Variants in PFKP observed in about 807,000 individuals in gnomAD.
PFKP encodes ATP-dependent 6-phosphofructokinase, platelet type.
A neutral mutation model predicts 94.3 loss-of-function variants in PFKP; 101 were observed. That is an observed-to-expected ratio of 1.07 (90% CI 0.91 to 1.26). PFKP has a LOEUF of 1.26. PFKP is among the 50% of genes most tolerant of loss of function. PFKP has a pLI of 0.00. For missense variants in PFKP, 1,145 were observed against 1,103.3 expected, an observed-to-expected ratio of 1.04 and a Z score of -0.53; for synonymous variants, 573 against 432.6, an observed-to-expected ratio of 1.32 and a Z score of -4.03.
chr10:3,078,885 T>C (rs11599851), intron 1 of PFKP, among the ~76,000 whole-genome samples: 9,950 of 152,222 alleles, frequency 0.065, 485 homozygotes, highest in South Asian at 0.098. Context: ...CCCTTTGCAA[T>C]GCATGGCTCC....
At chr10:3,104,218 A>C (rs1392309736) in intron 5 of PFKP, among the ~76,000 whole-genome samples, 1 of 152,210 alleles carries the variant, frequency 6.6e-6, no homozygotes, top group Non-Finnish European at 1.5e-5. Flanking sequence ...TGTCCTACCC[A>C]AACATCTCCA....
intron 2 of PFKP, among the ~76,000 whole-genome samples, chr10:3,097,597 G>T (rs566810100): frequency 6.6e-6 from 1 of 152,184 alleles, no homozygotes; most frequent in African/African-American, 2.4e-5. Flanking sequence ...GGGGGGTCTC[G>T]GGAGGTGCAG....
intron 16 of PFKP, among the ~76,000 whole-genome samples, chr10:3,120,714 C>A (rs891876780): frequency 2.0e-5 from 3 of 152,088 alleles, no homozygotes; most frequent in Non-Finnish European, 2.9e-5. Flanking sequence ...GGCTTGAGTG[C>A]GGTGGTGTGA....
intron 2 of PFKP, among the ~76,000 whole-genome samples, chr10:3,098,685 A>G (rs952204861): frequency 6.6e-6 from 1 of 151,748 alleles, no homozygotes. Context: ...AAAAAAAAAA[A>G]AAAAAGGTAA....
intron 10 of PFKP, 97 bp downstream of exon 10, chr10:3,109,577 C>A: frequency 1.4e-6 from 2 of 1,427,582 alleles, no homozygotes; most frequent in Non-Finnish European, 1.9e-6. Flanking sequence ...CTCGTCGGTG[C>A]ACGATGCATT....
At chr10:3,098,607 A>G (rs1444475147) in intron 2 of PFKP, among the ~76,000 whole-genome samples, 3 of 143,192 alleles carry the variant, frequency 2.1e-5, no homozygotes, top group East Asian at 2.3e-4. Context: ...CCCGGGAGGC[A>G]GGTTGCAGTG....
chr10:3,121,047 T>C (rs1223640250), intron 16 of PFKP, among the ~76,000 whole-genome samples: 1 of 150,924 alleles, frequency 6.6e-6, no homozygotes, highest in Non-Finnish European at 1.5e-5. Context: ...GAAACTTATT[T>C]CTAGCACTGG....
In PFKP at chr10:3,135,868, A is replaced by C. The variant is rs145075087; in HGVS notation, c.2225+30A>C. On this transcript the variant is annotated intron_variant, in intron 21 of 21. Coordinates refer to ENST00000381125, the MANE Select transcript of PFKP (RefSeq NM_002627.5). ...GTTGGCTGGGTTCCCTGAGGCAATA[A>C]GACCCCAATGTGAGTACGGGACAGG... is the stretch of plus-strand genomic sequence containing the variant. 6.7e-4 allele frequency: 901 copies of C among 1,347,228 alleles called. 2 individuals are homozygous for C. The highest frequency in any genetic ancestry group is 4.0e-3 in the Middle Eastern group (22 of 5,542). The allele number at this position is 1,347,228 out of a possible 1,614,324, so 83.5% of individuals were successfully genotyped here. A position where few individuals can be genotyped will look rare whatever the true frequency, so the allele number is the denominator to read the frequency against.
intron 2 of PFKP, among the ~76,000 whole-genome samples, chr10:3,095,815 G>A (rs1834434987): frequency 1.3e-5 from 2 of 152,142 alleles, no homozygotes; most frequent in Non-Finnish European, 1.5e-5. Flanking sequence ...TTAGAACTGC[G>A]GCTGGTAGTT....
rs540734522 is a variant in PFKP, at chr10:3,104,515, G to A, written c.620+571G>A. ...GAGACTGGGAGAGTGCCCGAATCCAGTCCCCAGCATGGCGCCTCCCAGTCC... is the reference window on the plus strand; with the variant it reads ...GAGACTGGGAGAGTGCCCGAATCCAATCCCCAGCATGGCGCCTCCCAGTCC... On this transcript the variant is annotated intron_variant, in intron 5 of 21. Transcript: ENST00000381125. Among the ~76,000 whole-genome samples, 8 of 152,364 alleles carry A rather than the reference G, an allele frequency of 5.3e-5. 1 individual carries two copies. In the South Asian group the frequency reaches 1.7e-3, roughly 32 times the overall value.
At chr10:3,125,061 G>C (rs563335506) in intron 16 of PFKP, 2 of 1,190,236 alleles carry the variant, frequency 1.7e-6, no homozygotes, top group African/African-American at 3.3e-5. Flanking sequence ...GTGAGCACCC[G>C]GCACCCCCGC....
chr10:3,107,919 G>A, intron 8 of PFKP: 7 of 1,289,648 alleles, frequency 5.4e-6, no homozygotes, highest in Non-Finnish European at 7.1e-6. Flanking sequence ...CGGGGCTGGG[G>A]ATGGGCTGTG....
chr10:3,079,266 G>A (rs991858230), intron 1 of PFKP, among the ~76,000 whole-genome samples: 26 of 151,132 alleles, frequency 1.7e-4, no homozygotes, highest in Non-Finnish European at 3.4e-4. Context: ...ACAGAGTCTC[G>A]CTCTGTCGCC....
intron 17 of PFKP, 131 bp downstream of exon 17, chr10:3,130,114 C>T: frequency 1.3e-6 from 1 of 778,992 alleles, no homozygotes; most frequent in Non-Finnish European, 2.0e-6. Flanking sequence ...ACATGCCACG[C>T]TTGATACACT....
At chr10:3,078,339 C>T (rs1251234029) in intron 1 of PFKP, among the ~76,000 whole-genome samples, 1 of 152,342 alleles carries the variant, frequency 6.6e-6, no homozygotes, top group East Asian at 1.9e-4. Context: ...TATATTTCCC[C>T]CTTGCTTTTC....
chr10:3,075,998 A>G (rs1832550844), intron 1 of PFKP, among the ~76,000 whole-genome samples: 1 of 138,204 alleles, frequency 7.2e-6, no homozygotes, highest in Non-Finnish European at 1.5e-5. Flanking sequence ...GGCCTGGGCG[A>G]CAGAGCGAGA....
intron 9 of PFKP, 55 bp from the exon 10 acceptor site, chr10:3,109,300 C>G: frequency 6.2e-7 from 1 of 1,600,320 alleles, no homozygotes; most frequent in South Asian, 1.1e-5. Context: ...TAGGAGGTGA[C>G]AGGGACAGGG....
At chr10:3,112,773 G>A (rs1388867518) in intron 11 of PFKP, among the ~76,000 whole-genome samples, 1 of 152,154 alleles carries the variant, frequency 6.6e-6, no homozygotes, top group African/African-American at 2.4e-5. Flanking sequence ...TCAACATGTT[G>A]GCCAGGCTGG....
At chr10:3,087,782 G>C (rs1002373277) in intron 2 of PFKP, among the ~76,000 whole-genome samples, 17 of 152,000 alleles carry the variant, frequency 1.1e-4, no homozygotes, top group African/African-American at 4.1e-4. Flanking sequence ...CTAGTGAACG[G>C]GTCCATTTCT....
Sources: allele counts gnomAD v4.1 joint callset (sites outside exome capture counted in the v4.1 genomes callset), GRCh38; gene constraint gnomAD v4.1.1; transcripts MANE v1.5; gene names NCBI Gene and HGNC (gene_info 2026-07-23, HGNC 2026-07-21).